Variants in GPC6 observed in about 807,000 individuals in gnomAD.
GPC6 encodes glypican 6, also known as glypican-6.
A neutral mutation model predicts 55.2 loss-of-function variants in GPC6; 14 were observed. That is an observed-to-expected ratio of 0.25 (90% CI 0.17 to 0.40). The LOEUF (loss-of-function observed/expected upper bound fraction) is 0.40, where lower values mean the gene tolerates loss of function less well. Among genes scored for constraint, GPC6 ranks in the 10% least tolerant of loss-of-function variants. GPC6 has a pLI of 1.00. For missense variants in GPC6, 641 were observed against 708.5 expected (o/e 0.90, Z 1.08); for synonymous variants, 278 against 259.6 (o/e 1.07, Z -0.68).
chr13:94,209,526 G>A (rs1234075048), intron 4 of GPC6, among the ~76,000 whole-genome samples: 1 of 151,928 alleles, frequency 6.6e-6, no homozygotes, highest in African/African-American at 2.4e-5. Flanking sequence ...GCAGAAATAC[G>A]CCATAAAAAA....
intron 3 of GPC6, among the ~76,000 whole-genome samples, chr13:93,981,121 G>A (rs1880785901): frequency 6.6e-6 from 1 of 151,982 alleles, no homozygotes; most frequent in Non-Finnish European, 1.5e-5. Context: ...ATTTTTTTAT[G>A]CCTTTGAAAA....
At chr13:93,314,756 T>C (rs1388380721) in intron 1 of GPC6, among the ~76,000 whole-genome samples, 29 of 102,332 alleles carry the variant, frequency 2.8e-4, no homozygotes, top group Admixed American at 8.4e-4. Context: ...TGTGTGTGTG[T>C]GCACGCATGT....
intron 1 of GPC6, among the ~76,000 whole-genome samples, chr13:93,261,471 A>G (rs190665627): frequency 1.3e-3 from 203 of 152,322 alleles, no homozygotes; most frequent in Admixed American, 3.3e-3. Flanking sequence ...TACTTGAAAC[A>G]GCTGGGTTTA....
intron 2 of GPC6, among the ~76,000 whole-genome samples, chr13:93,813,464 A>T (rs914146479): frequency 6.6e-6 from 1 of 152,150 alleles, no homozygotes; most frequent in African/African-American, 2.4e-5. Context: ...AATTTGCTTT[A>T]GATGTTTTTC....
intron 2 of GPC6, among the ~76,000 whole-genome samples, chr13:93,753,257 C>A (rs1165077248): frequency 6.6e-6 from 1 of 152,192 alleles, no homozygotes; most frequent in Non-Finnish European, 1.5e-5. Context: ...ATAACCATTT[C>A]TTTACCGCAT....
intron 2 of GPC6, among the ~76,000 whole-genome samples, chr13:93,633,680 A>G (rs1879576354): frequency 6.6e-6 from 1 of 150,762 alleles, no homozygotes; most frequent in South Asian, 2.1e-4. Context: ...ATAAATAACC[A>G]AAGTTTTTGC....
intron 4 of GPC6, among the ~76,000 whole-genome samples, chr13:94,200,223 T>C (rs1889709035): frequency 6.6e-6 from 1 of 151,938 alleles, no homozygotes; most frequent in African/African-American, 2.4e-5. Flanking sequence ...AATTGCTCTC[T>C]GGAAACTTCA....
At chr13:94,172,399 A>G (rs887244483) in intron 4 of GPC6, among the ~76,000 whole-genome samples, 3 of 152,232 alleles carry the variant, frequency 2.0e-5, no homozygotes, top group Admixed American at 6.5e-5. Context: ...AATATAATTA[A>G]TAGCTTACCA....
At chr13:94,026,680 A>C (rs1013668709) in intron 3 of GPC6, among the ~76,000 whole-genome samples, 2 of 152,136 alleles carry the variant, frequency 1.3e-5, no homozygotes, top group African/African-American at 2.4e-5. Flanking sequence ...CCGAGAGTAT[A>C]ATTTTTTAAA....
At chr13:93,442,627 T>C (rs1464276829) in intron 1 of GPC6, among the ~76,000 whole-genome samples, 4 of 152,220 alleles carry the variant, frequency 2.6e-5, no homozygotes, top group Admixed American at 2.6e-4. Context: ...CCAAGATGGA[T>C]ATGCACAGCG....
intron 1 of GPC6, among the ~76,000 whole-genome samples, chr13:93,333,812 A>G (rs1212588393): frequency 6.6e-6 from 1 of 152,152 alleles, no homozygotes; most frequent in Non-Finnish European, 1.5e-5. Context: ...TGCTTAGATT[A>G]CAGGCATGAG....
At chr13:93,898,633 TGTTTG>T (rs149588092) in intron 3 of GPC6, among the ~76,000 whole-genome samples, 32,727 of 151,166 alleles carry the variant, frequency 0.22, 4,399 homozygotes, top group Non-Finnish European at 0.29. Context: ...AACCATATTG[TGTTTG>T]TTTTTTTGTT....
At chr13:93,800,018 C>G (rs1297779462) in intron 2 of GPC6, among the ~76,000 whole-genome samples, 1 of 151,260 alleles carries the variant, frequency 6.6e-6, no homozygotes, top group African/African-American at 2.4e-5. Context: ...GCTTACATTT[C>G]TGATACCTTC....
chr13:93,554,649 T>C (rs190308159), intron 2 of GPC6, among the ~76,000 whole-genome samples: 1 of 152,338 alleles, frequency 6.6e-6, no homozygotes, highest in Non-Finnish European at 1.5e-5. Flanking sequence ...TTTCACTGAA[T>C]GACCAACATT....
intron 4 of GPC6, among the ~76,000 whole-genome samples, chr13:94,139,417 T>C (rs1234853728): frequency 4.6e-5 from 7 of 152,318 alleles, no homozygotes; most frequent in African/African-American, 1.4e-4. Context: ...ACCTTAGGAA[T>C]TGGAGACCTG....
chr13:93,290,659 T>C (rs896078372), intron 1 of GPC6, among the ~76,000 whole-genome samples: 2 of 152,128 alleles, frequency 1.3e-5, no homozygotes, highest in African/African-American at 2.4e-5. Context: ...ACCAGACTTC[T>C]GTGCATAAAG....
rs191208323 is a variant in GPC6 at position 93,564,414 on chromosome 13, C to T, written c.319+18993C>T. Among the ~76,000 whole-genome samples, 722 of 152,116 alleles carry T rather than the reference C, an allele frequency of 4.7e-3. 1 individual carries two copies. Among genetic ancestry groups the T allele is most frequent in the Non-Finnish European group, 7.4e-3 (504 of 67,964 alleles). On this transcript the variant is annotated intron_variant, in intron 2 of 8. Transcript: ENST00000377047. ...TGGGAGCAGCAATAAGAGAAAAGTC[C>T]TTTTGTACCTTTTGAATATTTGATA...
chr13:93,339,814 C>CT (rs1257214812), intron 1 of GPC6, among the ~76,000 whole-genome samples: 1 of 152,022 alleles, frequency 6.6e-6, no homozygotes, highest in Non-Finnish European at 1.5e-5. Context: ...AAAAGCTCTG[C>CT]TTTTTATAAC....
At chr13:93,586,273 C>G (rs771698050) in intron 2 of GPC6, among the ~76,000 whole-genome samples, 2 of 152,160 alleles carry the variant, frequency 1.3e-5, no homozygotes, top group Non-Finnish European at 2.9e-5. Context: ...CCATCCATAT[C>G]CCTGCAAAGG....
Sources: allele counts gnomAD v4.1 joint callset (sites outside exome capture counted in the v4.1 genomes callset), GRCh38; gene constraint gnomAD v4.1.1; transcripts MANE v1.5; gene names NCBI Gene and HGNC (gene_info 2026-07-23, HGNC 2026-07-21).